COL4A4: variants seen among roughly 807,000 people sequenced by gnomAD.
COL4A4 encodes collagen type IV alpha 4 chain, also known as collagen alpha-4(IV) chain.
A neutral mutation model predicts 192.9 loss-of-function variants in COL4A4; 105 were observed. That is an observed-to-expected ratio of 0.54 (90% CI 0.46 to 0.64). The LOEUF is 0.64. Ranked by LOEUF, COL4A4 falls within the 30% of genes least tolerant of loss-of-function variation. The pLI is 0.00. For synonymous variants in COL4A4, 762 were observed against 769.9 expected, an observed-to-expected ratio of 0.99 and a Z score of 0.17; for missense variants, 1,967 against 2,169.3, an observed-to-expected ratio of 0.91 and a Z score of 1.85.
chr2:227,039,334 T>A (rs1249261227), intron 37 of COL4A4, among the ~76,000 whole-genome samples: 1 of 152,068 alleles, frequency 6.6e-6, no homozygotes, highest in African/African-American at 2.4e-5. Flanking sequence ...GCTCACCTAA[T>A]TTTTGTATTT....
intron 32 of COL4A4, among the ~76,000 whole-genome samples, chr2:227,052,019 C>T (rs1304538548): frequency 6.6e-6 from 1 of 152,030 alleles, no homozygotes; most frequent in Non-Finnish European, 1.5e-5. Context: ...GTGAAACCCC[C>T]ATCTTTACTA....
At chr2:227,133,113 C>A (rs1288294238) in intron 4 of COL4A4, among the ~76,000 whole-genome samples, 12 of 152,170 alleles carry the variant, frequency 7.9e-5, no homozygotes, top group Admixed American at 6.5e-5. Flanking sequence ...GAGCTCCGCA[C>A]CCAGCCTGGC....
rs1308677161 is a variant in COL4A4 at position 227,007,390 on chromosome 2, AG to A, written c.5007del (p.Leu1670Ter). The A allele has an allele frequency of 6.2e-7, 1 of 1,614,220 alleles. No homozygotes were observed. Among genetic ancestry groups the A allele is most frequent in the Admixed American group, 1.7e-5 (1 of 60,022 alleles). On this transcript the variant is annotated frameshift_variant, in exon 48 of 48. Coordinates refer to ENST00000396625, the MANE Select transcript of COL4A4 (RefSeq NM_000092.5). LOFTEE classifies it high-confidence loss of function. ...LQFSSAPAPDTLKESQAQRQK... is the reference protein window; with the variant it reads ...LQFSSAPAPDXLKESQAQRQK... ...TGGCGTTGGGCCTGGCTTTCTTTTA[AG>A]GTGTCTGGTGCTGGAGCAGAGGAAA...
chr2:227,061,444 C>T (rs1977020122), intron 26 of COL4A4, among the ~76,000 whole-genome samples: 1 of 152,206 alleles, frequency 6.6e-6, no homozygotes, highest in African/African-American at 2.4e-5. Context: ...TCTGCAATCA[C>T]ATGAGAAAAG....
At chr2:227,122,846 CTTTG>C (rs1410944955) in intron 4 of COL4A4, among the ~76,000 whole-genome samples, 3 of 151,928 alleles carry the variant, frequency 2.0e-5, no homozygotes, top group Non-Finnish European at 2.9e-5. Flanking sequence ...TGGGGTGTCA[CTTTG>C]TTTATTTTTA....
chr2:226,991,482 T>C, the COL4A4 span, among the ~76,000 whole-genome samples: 2 of 152,238 alleles, frequency 1.3e-5, no homozygotes, highest in Non-Finnish European at 2.9e-5. Context: ...GCCCAGCCCA[T>C]TTTGTATATC....
At chr2:227,064,254 C>G (rs1355378054) in intron 25 of COL4A4, among the ~76,000 whole-genome samples, 1 of 152,072 alleles carries the variant, frequency 6.6e-6, no homozygotes, top group Non-Finnish European at 1.5e-5. Context: ...GAAAAACATA[C>G]TGAGGGAATT....
chr2:227,161,119 G>A (rs1245959183), intron 1 of COL4A4, among the ~76,000 whole-genome samples: 2 of 152,212 alleles, frequency 1.3e-5, no homozygotes, highest in Non-Finnish European at 2.9e-5. Context: ...TGAATGCTGG[G>A]TGAATTTGAC....
chr2:227,027,596 C>G (rs1470549183), intron 42 of COL4A4, among the ~76,000 whole-genome samples: 1 of 150,758 alleles, frequency 6.6e-6, no homozygotes, highest in Non-Finnish European at 1.5e-5. Context: ...AACAAACCTG[C>G]ACGTTGTGCA....
At chr2:227,159,063 T>G (rs112477517) in intron 1 of COL4A4, among the ~76,000 whole-genome samples, 8 of 152,252 alleles carry the variant, frequency 5.3e-5, no homozygotes, top group African/African-American at 1.9e-4. Flanking sequence ...CAATCCAAAT[T>G]CCCAAAAATA....
chr2:227,067,418 T>C (rs572142841), intron 25 of COL4A4, among the ~76,000 whole-genome samples: 41 of 152,290 alleles, frequency 2.7e-4, no homozygotes, highest in African/African-American at 9.9e-4. Context: ...ATATACATTT[T>C]TTTCTGCACC....
rs994718898 is a variant in COL4A4, at chr2:227,005,070, T to C, written c.*2255A>G. The C allele has an allele frequency of 6.6e-6, 1 of 152,210 alleles. No individual in the cohort carries two copies. The highest frequency in any genetic ancestry group is 1.5e-5 in the Non-Finnish European group (1 of 68,050). 9.4% of individuals were successfully genotyped at this position (152,210 alleles called of 1,614,324 possible). ...CCCTTTTGATCCTTTAAAATACTTT[T>C]GTAAAATTAGAGGGCAGTGTTAATG... is the stretch of plus-strand genomic sequence containing the variant. On this transcript the variant is annotated 3_prime_UTR_variant, in exon 48 of 48. Transcript: ENST00000396625.
chr2:227,106,047 GAA>G (rs11435858), intron 12 of COL4A4, among the ~76,000 whole-genome samples: 5 of 143,390 alleles, frequency 3.5e-5, no homozygotes, highest in Non-Finnish European at 6.1e-5. Context: ...AGTTTAAATA[GAA>G]AAAAAAAAAA....
chr2:227,040,469 A>G (rs1029846500), intron 37 of COL4A4, among the ~76,000 whole-genome samples: 5 of 152,208 alleles, frequency 3.3e-5, no homozygotes, highest in Non-Finnish European at 1.5e-5. Flanking sequence ...TTAAAAAATC[A>G]TACTCTGTTT....
chr2:227,013,276 T>C (rs917502639), intron 44 of COL4A4, among the ~76,000 whole-genome samples: 3 of 152,228 alleles, frequency 2.0e-5, no homozygotes, highest in Non-Finnish European at 4.4e-5. Context: ...CTTTCTCTCT[T>C]TCTCTCTCTG....
intron 44 of COL4A4, 83 bp from the exon 45 acceptor site, chr2:227,012,380 G>A (rs894221021): frequency 3.7e-5 from 40 of 1,067,776 alleles, no homozygotes; most frequent in Admixed American, 8.7e-5. Flanking sequence ...TATGCCAGCC[G>A]TGTGCCAGCC....
rs2059119231 is a variant in COL4A4, at chr2:227,077,895, T to A, written c.1986A>T (p.Lys662Asn). ...VRGPDGLKGQ[K>N]GDTISCNVTY... ...TAAATAAAATTTTTTTAAAATTACC[T>A]TTCTGACCCTTCAAGCCATCAGGGC... The change falls in exon 25 of 48, where the codon AAA becomes AAT. Residue 662 changes from lysine to asparagine, a missense_variant and splice_region_variant. Lys to Asn is a moderately conservative substitution (Grantham distance 94). Coordinates refer to ENST00000396625, the MANE Select transcript of COL4A4 (RefSeq NM_000092.5). 3 of 1,612,310 alleles carry A rather than the reference T, an allele frequency of 1.9e-6. No homozygotes were observed. Among genetic ancestry groups the A allele is most frequent in the Non-Finnish European group, 2.5e-6 (3 of 1,179,808 alleles).
Position 227,055,615 on chromosome 2 carries a change from T to G in COL4A4, c.2716+330A>C, listed in dbSNP as rs114637103. Among the ~76,000 whole-genome samples the G allele has an allele frequency of 4.7e-3, 710 of 152,172 alleles. 7 individuals are homozygous for G. The highest frequency in any genetic ancestry group is 0.016 in the African/African-American group (667 of 41,526). Reference sequence around the variant, plus strand: ...GGGCCCTGATGTGTCTGAGTCCTAATCCCCTAACAGGGGGTAGGGATGAGA... The same window carrying G: ...GGGCCCTGATGTGTCTGAGTCCTAAGCCCCTAACAGGGGGTAGGGATGAGA... On this transcript the variant is annotated intron_variant, in intron 30 of 47. Coordinates refer to ENST00000396625, the MANE Select transcript of COL4A4 (RefSeq NM_000092.5).
Position 227,082,182 on chromosome 2 carries a change from C to A in COL4A4, c.1629G>T (p.Lys543Asn). ...TGCCAGGTGGTCCAGAGGCACCATGCTTTCCCTTGGTGAAAAATAAGAGAA... is the reference window on the plus strand; with the variant it reads ...TGCCAGGTGGTCCAGAGGCACCATGATTTCCCTTGGTGAAAAATAAGAGAA... ...GAEGPPGLPG[K>N]HGASGPPGNK... is the part of the protein sequence containing the mutation. The change falls in exon 23 of 48, where the codon AAG becomes AAT. Residue 543 changes from lysine to asparagine, a missense_variant. Lys to Asn is a moderately conservative substitution (Grantham distance 94, BLOSUM62 0). Transcript: ENST00000396625. 2 of 1,613,994 alleles carry A rather than the reference C, an allele frequency of 1.2e-6. No homozygotes were observed. The highest frequency in any genetic ancestry group is 1.7e-6 in the Non-Finnish European group (2 of 1,179,840).
Sources: allele counts gnomAD v4.1 joint callset (sites outside exome capture counted in the v4.1 genomes callset), GRCh38; gene constraint gnomAD v4.1.1; transcripts MANE v1.5; gene names NCBI Gene and HGNC (gene_info 2026-07-23, HGNC 2026-07-21).